The following FRMD4A variants were observed in gnomAD, a reference collection of about 807,000 sequenced individuals.
FRMD4A encodes the protein FERM domain-containing protein 4A.
In FRMD4A, 29 loss-of-function variants were observed where a neutral mutation model predicts 129.1. That is an observed-to-expected ratio of 0.22 (90% CI 0.17 to 0.31). The LOEUF (loss-of-function observed/expected upper bound fraction) is 0.31, where lower values mean the gene tolerates loss of function less well. Among genes scored for constraint, FRMD4A ranks in the 10% least tolerant of loss-of-function variants. FRMD4A has a pLI of 1.00. For synonymous variants in FRMD4A, 634 were observed against 571.6 expected (o/e 1.11, Z -1.56); for missense variants, 1,272 against 1,375.8 (o/e 0.92, Z 1.19).
intron 2 of FRMD4A, among the ~76,000 whole-genome samples, chr10:14,013,797 G>A (rs1019579388): frequency 6.6e-6 from 1 of 152,196 alleles, no homozygotes; most frequent in African/African-American, 2.4e-5. Context: ...CAGGTGTGGT[G>A]GTGCATCCCT....
intron 2 of FRMD4A, among the ~76,000 whole-genome samples, chr10:14,279,783 C>A (rs1464329271): frequency 2.0e-5 from 3 of 152,064 alleles, no homozygotes; most frequent in Non-Finnish European, 4.4e-5. Flanking sequence ...GAGAAAGGGC[C>A]CATCATTCAC....
At chr10:13,822,246 T>C (rs1056190559) in intron 3 of FRMD4A, among the ~76,000 whole-genome samples, 6 of 152,232 alleles carry the variant, frequency 3.9e-5, no homozygotes, top group Non-Finnish European at 8.8e-5. Context: ...TCAGCAATTT[T>C]CAAGCATTGA....
chr10:13,669,057 G>GATTTTTTT (rs541360128), intron 17 of FRMD4A, among the ~76,000 whole-genome samples: 2 of 97,460 alleles, frequency 2.1e-5, no homozygotes, highest in Non-Finnish European at 2.0e-5. Context: ...CTGAGCTTTA[G>GATTTTTTT]TTTTTTTTTT....
chr10:13,664,740 G>A (rs1217356057), intron 18 of FRMD4A, among the ~76,000 whole-genome samples: 1 of 148,390 alleles, frequency 6.7e-6, no homozygotes, highest in Non-Finnish European at 1.5e-5. Context: ...TTGCTATATT[G>A]CCCAGACTGG....
Position 14,023,426 on chromosome 10 carries a change from A to C in FRMD4A, c.46-164514T>G, listed in dbSNP as rs116270880. ...AGGACTCAGTGATGTACTATAAAGA[A>C]AGCGCCAACCTTCCATAGCCTTCTC... On this transcript the variant is annotated intron_variant, in intron 2 of 24. Coordinates refer to ENST00000357447, the MANE Select transcript of FRMD4A (RefSeq NM_018027.5). Among the ~76,000 whole-genome samples, 461 of 152,310 alleles carry C rather than the reference A, an allele frequency of 3.0e-3. 5 individuals carry two copies. The highest frequency in any genetic ancestry group is 9.8e-3 in the African/African-American group (406 of 41,586).
chr10:13,836,826 G>C (rs1007678665), intron 3 of FRMD4A, among the ~76,000 whole-genome samples: 2 of 142,534 alleles, frequency 1.4e-5, no homozygotes, highest in East Asian at 4.2e-4. Context: ...GGCACGATCT[G>C]GGCTCACTGC....
chr10:13,918,382 T>C (rs2095033300), intron 2 of FRMD4A, among the ~76,000 whole-genome samples: 1 of 152,222 alleles, frequency 6.6e-6, no homozygotes, highest in South Asian at 2.1e-4. Context: ...TCACGTAGAA[T>C]TTTAGAAACT....
chr10:13,723,369 A>T (rs536317505), intron 12 of FRMD4A, among the ~76,000 whole-genome samples: 11 of 152,366 alleles, frequency 7.2e-5, no homozygotes, highest in Non-Finnish European at 1.5e-4. Context: ...CTAAAAGACA[A>T]ATAACTTTGA....
intron 3 of FRMD4A, among the ~76,000 whole-genome samples, chr10:13,811,698 A>G (rs2093449231): frequency 6.6e-6 from 1 of 152,134 alleles, no homozygotes; most frequent in Non-Finnish European, 1.5e-5. Flanking sequence ...AAGTGACCAC[A>G]GAACACCAGG....
At chr10:14,046,253 TTATTTAA>T (rs1341569320) in intron 2 of FRMD4A, among the ~76,000 whole-genome samples, 1 of 152,170 alleles carries the variant, frequency 6.6e-6, no homozygotes, top group Non-Finnish European at 1.5e-5. Flanking sequence ...ATTCAAGTAC[TTATTTAA>T]AACACAATTG....
chr10:13,861,908 C>T (rs1002568041), intron 2 of FRMD4A, among the ~76,000 whole-genome samples: 4 of 152,162 alleles, frequency 2.6e-5, no homozygotes, highest in African/African-American at 9.7e-5. Flanking sequence ...ATGATTCCTT[C>T]ATCAAAAAAG....
At chr10:13,684,881 A>C in intron 15 of FRMD4A, 1 of 985,270 alleles carries the variant, frequency 1.0e-6, no homozygotes. Context: ...GAAAAAAAAA[A>C]AAAAATGAAG....
intron 9 of FRMD4A, 130 bp downstream of exon 9, chr10:13,747,605 AG>A (rs2091356857): frequency 2.2e-6 from 1 of 454,576 alleles, no homozygotes; most frequent in Non-Finnish European, 3.9e-6. Flanking sequence ...AGGAAGACAC[AG>A]GGTACTTAAT....
chr10:13,859,817 A>T (rs1270589330), intron 2 of FRMD4A, among the ~76,000 whole-genome samples: 1 of 152,068 alleles, frequency 6.6e-6, no homozygotes, highest in African/African-American at 2.4e-5. Context: ...GGCAAATCCA[A>T]CCCCGTCCCT....
At chr10:14,122,452 G>A (rs1362760687) in intron 2 of FRMD4A, among the ~76,000 whole-genome samples, 1 of 152,072 alleles carries the variant, frequency 6.6e-6, no homozygotes, top group Non-Finnish European at 1.5e-5. Flanking sequence ...AAAGAAAAGA[G>A]GTTTAATTGC....
At chr10:14,115,548 C>A (rs573235727) in intron 2 of FRMD4A, among the ~76,000 whole-genome samples, 2 of 152,258 alleles carry the variant, frequency 1.3e-5, no homozygotes, top group African/African-American at 4.8e-5. Context: ...GGAAATGTGA[C>A]TCCCAGTGTT....
intron 2 of FRMD4A, among the ~76,000 whole-genome samples, chr10:14,276,139 G>C (rs1300368030): frequency 6.6e-6 from 1 of 152,146 alleles, no homozygotes; most frequent in African/African-American, 2.4e-5. Flanking sequence ...GACCTCTGGG[G>C]GATAGTTTTT....
At chr10:14,037,221 T>G (rs1165305905) in intron 2 of FRMD4A, among the ~76,000 whole-genome samples, 3 of 152,178 alleles carry the variant, frequency 2.0e-5, no homozygotes, top group African/African-American at 7.2e-5. Context: ...TACTTCACTG[T>G]CCGGATCTGG....
Position 14,090,132 on chromosome 10 carries a change from A to ATTT in FRMD4A, c.46-231221_46-231220insAAA, listed in dbSNP as rs148314831. 5.9e-3 allele frequency among the ~76,000 whole-genome samples: 895 copies of ATTT among 152,290 alleles called. 8 individuals are homozygous for ATTT. Among genetic ancestry groups the ATTT allele is most frequent in the African/African-American group, 0.02 (844 of 41,558 alleles). On this transcript the variant is annotated intron_variant, in intron 2 of 24. Coordinates refer to ENST00000357447, the MANE Select transcript of FRMD4A (RefSeq NM_018027.5). ...GATCTAGAAATAACCGTAAGGGAAA[A>ATTT]GCCTTCTGAGGAGGAACGGAACAAG...
Sources: allele counts gnomAD v4.1 joint callset (sites outside exome capture counted in the v4.1 genomes callset), GRCh38; gene constraint gnomAD v4.1.1; transcripts MANE v1.5; gene names NCBI Gene and HGNC (gene_info 2026-07-23, HGNC 2026-07-21).